Variants in CDYL observed in about 807,000 individuals in gnomAD.
CDYL encodes the protein chromodomain Y-like protein.
In CDYL, 8 loss-of-function variants were observed where a neutral mutation model predicts 47.3. The observed-to-expected ratio is 0.17, with a 90% CI of 0.10 to 0.31. The LOEUF (loss-of-function observed/expected upper bound fraction) is 0.31. CDYL is among the 10% of genes least tolerant of loss of function. CDYL has a pLI of 1.00. For synonymous variants in CDYL, 266 were observed against 265.0 expected (o/e 1.00, Z -0.04); for missense variants, 471 against 701.4 (o/e 0.67, Z 3.71).
chr6:4,783,367 G>T (rs2127431292), intron 1 of CDYL, among the ~76,000 whole-genome samples: 1 of 150,792 alleles, frequency 6.6e-6, no homozygotes, highest in African/African-American at 2.4e-5. Flanking sequence ...AGCTCCTTCT[G>T]AAGATGGTGC....
rs554988284 is a variant in CDYL, at chr6:4,788,083, C to T, written c.24+11276C>T. ...CACCGCACCTGGTCGAAATTCGAGT[C>T]TTATAGTCATAATTCCACTGAAAGG... On this transcript the variant is annotated intron_variant, in intron 1 of 6. Coordinates refer to ENST00000397588, the MANE Select transcript of CDYL (RefSeq NM_004824.4). Among the ~76,000 whole-genome samples, 4 of 152,020 alleles carry T rather than the reference C, an allele frequency of 2.6e-5. No individual in the cohort carries two copies. The East Asian group carries it at 7.8e-4, about 30-fold the overall frequency.
At chr6:4,777,298 G>C (rs1434896458) in intron 1 of CDYL, among the ~76,000 whole-genome samples, 1 of 152,186 alleles carries the variant, frequency 6.6e-6, no homozygotes, top group Non-Finnish European at 1.5e-5. Context: ...GCAAAATCTC[G>C]CACCGAAAAT....
chr6:4,884,623 A>C (rs749199478), intron 1 of CDYL, among the ~76,000 whole-genome samples: 2 of 152,224 alleles, frequency 1.3e-5, no homozygotes, highest in African/African-American at 4.8e-5. Flanking sequence ...TGGTGTAAGC[A>C]GTTAGCCTCG....
At chr6:4,788,500 AAAG>A (rs1291811319) in intron 1 of CDYL, among the ~76,000 whole-genome samples, 1 of 150,890 alleles carries the variant, frequency 6.6e-6, no homozygotes, top group Non-Finnish European at 1.5e-5. Context: ...AAAAAAAAAA[AAAG>A]GCTTTTCAGT....
In CDYL at chr6:4,908,528, C is replaced by T. The variant is rs140919890; in HGVS notation, c.691+16149C>T. 2.6e-5 allele frequency among the ~76,000 whole-genome samples: 4 copies of T among 152,330 alleles called. No individual in the cohort carries two copies. The East Asian group carries it at 7.7e-4, about 29-fold the overall frequency. ...AGCTAGCTACTTATTGAAAATACCTCCTCAGAACCCTCTCCTCCTGCCCCC... is the reference window on the plus strand; with the variant it reads ...AGCTAGCTACTTATTGAAAATACCTTCTCAGAACCCTCTCCTCCTGCCCCC... On this transcript the variant is annotated intron_variant, in intron 2 of 6. Transcript: ENST00000397588.
chr6:4,802,381 TA>T (rs1030707424), intron 1 of CDYL, among the ~76,000 whole-genome samples: 1 of 151,848 alleles, frequency 6.6e-6, no homozygotes, highest in Non-Finnish European at 1.5e-5. Flanking sequence ...TTACTAAAAA[TA>T]AAAAAAACTT....
At chr6:4,868,115 C>G (rs1761373103) in intron 1 of CDYL, among the ~76,000 whole-genome samples, 1 of 151,736 alleles carries the variant, frequency 6.6e-6, no homozygotes, top group Non-Finnish European at 1.5e-5. Flanking sequence ...TTGATTTATA[C>G]TTGGATCTTT....
chr6:4,739,716 G>A (rs937198096), intron 3 of CDYL, among the ~76,000 whole-genome samples: 1 of 152,118 alleles, frequency 6.6e-6, no homozygotes, highest in African/African-American at 2.4e-5. Flanking sequence ...AACTTTGGGA[G>A]GTGAGGCAGG....
At chr6:4,737,135 A>T (rs1757717331) in intron 3 of CDYL, among the ~76,000 whole-genome samples, 1 of 152,132 alleles carries the variant, frequency 6.6e-6, no homozygotes. Context: ...ATAATAATAA[A>T]CATCTTTTTA....
Position 4,776,738 on chromosome 6 carries a change from G to GGCCCCCC in CDYL, c.-46_-45insGCCCCCC. ...AAAGTGTCGGCCGCCCGGCGCCGGCGCCCGCCCCGACCCTGCCCCTCCCGC... is the reference window on the plus strand; with the variant it reads ...AAAGTGTCGGCCGCCCGGCGCCGGCGGCCCCCCCCCGCCCCGACCCTGCCCCTCCCGC... On this transcript the variant is annotated 5_prime_UTR_variant, in exon 1 of 7. Transcript: ENST00000397588. 6.1e-5 allele frequency: 76 copies of GGCCCCCC among 1,250,010 alleles called. No individual in the cohort carries two copies. Among genetic ancestry groups the GGCCCCCC allele is most frequent in the Non-Finnish European group, 6.9e-5 (67 of 969,016 alleles). 77.4% of individuals were successfully genotyped at this position (1,250,010 alleles called of 1,614,324 possible). A position where few individuals can be genotyped will look rare whatever the true frequency, so the allele number is the denominator to read the frequency against.
At position 4,943,765 on chromosome 6, in the gene CDYL, C is replaced by CT. The variant is rs201049668; in HGVS notation, c.1332+14dup. On this transcript the variant is annotated intron_variant, in intron 5 of 6. Coordinates refer to ENST00000397588, the MANE Select transcript of CDYL (RefSeq NM_004824.4). ...TAATGGGAGGAGCATCTGTGAGTAC[C>CT]TTTTTAAAAAAAAAAAAAAAAAGTC... 2.5e-4 allele frequency: 298 copies of CT among 1,201,350 alleles called. 1 individual carries two copies. Among genetic ancestry groups the CT allele is most frequent in the Middle Eastern group, 1.0e-3 (4 of 3,934 alleles). The allele number at this position is 1,201,350 out of a possible 1,614,324, so 74.4% of individuals were successfully genotyped here.
chr6:4,816,981 C>T (rs1759694808), intron 1 of CDYL, among the ~76,000 whole-genome samples: 1 of 152,198 alleles, frequency 6.6e-6, no homozygotes, highest in South Asian at 2.1e-4. Context: ...ACCTTGAACA[C>T]AGTTAACAGT....
chr6:4,834,711 C>T (rs1397254255), intron 1 of CDYL, among the ~76,000 whole-genome samples: 2 of 152,188 alleles, frequency 1.3e-5, no homozygotes, highest in Non-Finnish European at 2.9e-5. Flanking sequence ...TCAGGTACAC[C>T]AGTCAGACGT....
Position 4,828,239 on chromosome 6 carries a change from T to C in CDYL, c.24+51432T>C, listed in dbSNP as rs911361910. Among the ~76,000 whole-genome samples the C allele has an allele frequency of 4.1e-5, 6 of 147,992 alleles. No homozygotes were observed. In the Admixed American group the frequency reaches 4.2e-4, roughly 10 times the overall value. ...ATATAGGACTTTTAACAGGTTTTTT[T>C]TTTAACTTTCAGCTTTTTTTTTTTT... On this transcript the variant is annotated intron_variant, in intron 1 of 6. Coordinates refer to ENST00000397588, the MANE Select transcript of CDYL (RefSeq NM_004824.4).
chr6:4,899,787 T>G (rs2127492613), intron 2 of CDYL, among the ~76,000 whole-genome samples: 1 of 152,344 alleles, frequency 6.6e-6, no homozygotes, highest in Admixed American at 6.5e-5. Flanking sequence ...GTCAGAAGTT[T>G]AGGGAACGAA....
At chr6:4,910,720 C>T (rs188776902) in intron 2 of CDYL, among the ~76,000 whole-genome samples, 50 of 152,150 alleles carry the variant, frequency 3.3e-4, no homozygotes, top group African/African-American at 9.4e-4. Context: ...AAGGATTAGT[C>T]GGGTTTTTAT....
chr6:4,723,118 A>G (rs547092150), intron 2 of CDYL, among the ~76,000 whole-genome samples: 17 of 152,342 alleles, frequency 1.1e-4, no homozygotes, highest in African/African-American at 4.1e-4. Flanking sequence ...ATTTGGGGGT[A>G]AAACTGCAGT....
intron 2 of CDYL, among the ~76,000 whole-genome samples, chr6:4,725,935 A>T (rs1018626971): frequency 6.6e-6 from 1 of 151,864 alleles, no homozygotes; most frequent in South Asian, 2.1e-4. Flanking sequence ...AGCCAAAAAC[A>T]AAAGAGCAAA....
chr6:4,910,086 A>G (rs923065502), intron 2 of CDYL, among the ~76,000 whole-genome samples: 1 of 151,088 alleles, frequency 6.6e-6, no homozygotes, highest in Admixed American at 6.6e-5. Context: ...CTCAGCACAG[A>G]CGGCACTTCC....
Sources: gnomAD v4.1 joint callset for allele counts (sites outside exome capture counted in the v4.1 genomes callset) on GRCh38, gnomAD v4.1.1 for gene constraint, MANE v1.5 for transcripts, NCBI Gene and HGNC (gene_info 2026-07-23, HGNC 2026-07-21) for gene names.